The following ASIC2 variants were observed in gnomAD, a reference collection of about 807,000 sequenced individuals.
ASIC2 encodes the protein acid-sensing ion channel 2.
In ASIC2, 25 loss-of-function variants were observed where a neutral mutation model predicts 57.3. The observed-to-expected ratio is 0.44, with a 90% CI of 0.32 to 0.61. The LOEUF is 0.61. Among genes scored for constraint, ASIC2 ranks in the 20% least tolerant of loss-of-function variants. The pLI, the probability that ASIC2 is intolerant of heterozygous loss-of-function variation, is 0.06. For synonymous variants in ASIC2, 319 were observed against 307.5 expected (o/e 1.04, Z -0.39); for missense variants, 641 against 738.1 (o/e 0.87, Z 1.52).
chr17:33,804,965 C>G (rs1209137513), intron 1 of ASIC2, among the ~76,000 whole-genome samples: 2 of 151,884 alleles, frequency 1.3e-5, no homozygotes, highest in Non-Finnish European at 2.9e-5. Flanking sequence ...TGAGTTGATT[C>G]ACTTGGTCCA....
intron 1 of ASIC2, among the ~76,000 whole-genome samples, chr17:33,170,254 C>T (rs182945303): frequency 2.0e-5 from 3 of 152,056 alleles, no homozygotes; most frequent in Admixed American, 6.6e-5. Flanking sequence ...GTGGCAGGAC[C>T]CTGATTCACA....
In ASIC2 at chr17:33,016,004, T is replaced by C; in HGVS notation, c.1557A>G (p.Lys519=). The C allele has an allele frequency of 6.2e-7, 1 of 1,614,082 alleles. No individual in the cohort carries two copies. The change falls in exon 9 of 10, where the codon AAA becomes AAG. Residue 519 remains lysine (K), a synonymous_variant. Coordinates refer to ENST00000225823, the MANE Select transcript of ASIC2 (RefSeq NM_183377.2). ...CATCGTGGCTCCCTTCGTCCTCCTC[T>C]TTGCCAAGCAGGTCTAATAGCTTCT... is the stretch of plus-strand genomic sequence containing the variant. The part of the protein sequence containing the change: ...IKEKLLDLLG[K]EEDEGSHDEN...
At chr17:33,750,508 G>A (rs1000162061) in intron 1 of ASIC2, among the ~76,000 whole-genome samples, 7 of 152,060 alleles carry the variant, frequency 4.6e-5, no homozygotes, top group Non-Finnish European at 1.0e-4. Context: ...AGTGCCTAGG[G>A]CCCAGTGGTT....
At chr17:33,594,316 T>C (rs191516272) in intron 1 of ASIC2, among the ~76,000 whole-genome samples, 1 of 152,202 alleles carries the variant, frequency 6.6e-6, no homozygotes, top group South Asian at 2.1e-4. Context: ...CCCCATCTCA[T>C]ACCAGAGCAG....
At chr17:33,240,774 T>A (rs1179398735) in intron 1 of ASIC2, among the ~76,000 whole-genome samples, 2 of 152,142 alleles carry the variant, frequency 1.3e-5, no homozygotes, top group African/African-American at 2.4e-5. Context: ...CTCCACTCCC[T>A]CTGGGTGTCT....
At chr17:33,250,447 C>T (rs1908842182) in intron 1 of ASIC2, among the ~76,000 whole-genome samples, 1 of 152,200 alleles carries the variant, frequency 6.6e-6, no homozygotes, top group African/African-American at 2.4e-5. Context: ...CACCAGCTCC[C>T]AGAAAACATT....
intron 1 of ASIC2, among the ~76,000 whole-genome samples, chr17:33,858,119 A>G (rs1315550498): frequency 6.6e-6 from 1 of 152,142 alleles, no homozygotes; most frequent in East Asian, 1.9e-4. Context: ...GTCTCTCCCT[A>G]GGGCCATCTT....
At chr17:34,154,000 C>T (rs759069903) in intron 1 of ASIC2, among the ~76,000 whole-genome samples, 4 of 152,192 alleles carry the variant, frequency 2.6e-5, no homozygotes, top group Admixed American at 6.5e-5. Context: ...ACATTTACTT[C>T]TAAATGGAAC....
chr17:33,201,769 C>T (rs1056380146), intron 1 of ASIC2, among the ~76,000 whole-genome samples: 1 of 152,134 alleles, frequency 6.6e-6, no homozygotes, highest in Non-Finnish European at 1.5e-5. Context: ...GTGGCTCACA[C>T]CTGTAATTCC....
At chr17:33,708,320 A>G (rs1388767044) in intron 1 of ASIC2, among the ~76,000 whole-genome samples, 1 of 152,238 alleles carries the variant, frequency 6.6e-6, no homozygotes, top group Non-Finnish European at 1.5e-5. Context: ...TTTCTTTGCT[A>G]TGCAAAGTTA....
chr17:33,030,120 A>G (rs2091876545), intron 3 of ASIC2, among the ~76,000 whole-genome samples: 1 of 152,192 alleles, frequency 6.6e-6, no homozygotes, highest in African/African-American at 2.4e-5. Flanking sequence ...TTTTAAAATC[A>G]ACTTCAGAAG....
At chr17:33,223,485 C>A (rs1428746824) in intron 1 of ASIC2, among the ~76,000 whole-genome samples, 1 of 152,134 alleles carries the variant, frequency 6.6e-6, no homozygotes, top group South Asian at 2.1e-4. Flanking sequence ...GCCCGGCCCC[C>A]CTTTTCTAAT....
intron 3 of ASIC2, among the ~76,000 whole-genome samples, chr17:33,080,332 C>T (rs1412493692): frequency 1.3e-5 from 2 of 152,094 alleles, no homozygotes; most frequent in South Asian, 2.1e-4. Flanking sequence ...TCAACAGAGG[C>T]TGGGTTTAGC....
At chr17:34,111,696 G>T (rs1180226028) in intron 1 of ASIC2, among the ~76,000 whole-genome samples, 1 of 152,220 alleles carries the variant, frequency 6.6e-6, no homozygotes. Context: ...AATGCAGTCT[G>T]ATTCCAATCC....
chr17:33,614,994 A>G (rs1191624760), intron 1 of ASIC2, among the ~76,000 whole-genome samples: 1 of 152,240 alleles, frequency 6.6e-6, no homozygotes, highest in African/African-American at 2.4e-5. Context: ...CATTAATTAC[A>G]AGTCAAACTG....
At chr17:34,090,932 C>T (rs1910309624) in intron 1 of ASIC2, among the ~76,000 whole-genome samples, 1 of 152,214 alleles carries the variant, frequency 6.6e-6, no homozygotes, top group Admixed American at 6.5e-5. Context: ...GCAGTCTTTC[C>T]ATCTCCCTTG....
chr17:34,094,121 C>T (rs148570563), intron 1 of ASIC2, among the ~76,000 whole-genome samples: 135 of 152,126 alleles, frequency 8.9e-4, no homozygotes, highest in African/African-American at 3.1e-3. Context: ...CTGGTGATTG[C>T]GGAGAGGTGG....
chr17:33,120,738 G>A (rs760928788), intron 1 of ASIC2, among the ~76,000 whole-genome samples: 1 of 152,220 alleles, frequency 6.6e-6, no homozygotes, highest in Non-Finnish European at 1.5e-5. Flanking sequence ...GGGACACAAT[G>A]ACAGGTTGCT....
rs936724454 is a variant in ASIC2, at chr17:33,171,260, G to A, written c.709-59193C>T. Among the ~76,000 whole-genome samples the A allele has an allele frequency of 2.0e-5, 3 of 152,258 alleles. No homozygotes were observed. In the South Asian group the frequency reaches 6.2e-4, roughly 32 times the overall value. ...TTTATCAAAGCCATTGGTTTCAGTTGACTAGCAAATTCCTATCCCTAGCCC... is the reference window on the plus strand; with the variant it reads ...TTTATCAAAGCCATTGGTTTCAGTTAACTAGCAAATTCCTATCCCTAGCCC... On this transcript the variant is annotated intron_variant, in intron 1 of 9. Transcript: ENST00000225823.
Sources: allele counts gnomAD v4.1 joint callset (sites outside exome capture counted in the v4.1 genomes callset), GRCh38; gene constraint gnomAD v4.1.1; transcripts MANE v1.5; gene names NCBI Gene and HGNC (gene_info 2026-07-23, HGNC 2026-07-21).